The following RPH3A variants were observed in gnomAD, a reference collection of about 807,000 sequenced individuals.
RPH3A encodes rabphilin-3A.
Under a neutral mutation model 102.2 loss-of-function variants are expected in RPH3A, and 48 were observed. That is an observed-to-expected ratio of 0.47 (90% CI 0.37 to 0.60). RPH3A has a LOEUF of 0.60. Ranked by LOEUF, RPH3A falls within the 20% of genes least tolerant of loss-of-function variation. The pLI is 0.00. For synonymous variants in RPH3A, 310 were observed against 324.3 expected (o/e 0.96, Z 0.47); for missense variants, 781 against 910.1 (o/e 0.86, Z 1.83).
intron 1 of RPH3A, among the ~76,000 whole-genome samples, chr12:112,639,823 C>T (rs1292838071): frequency 2.0e-5 from 3 of 152,112 alleles, no homozygotes; most frequent in Non-Finnish European, 2.9e-5. Context: ...CAAAGTGTTC[C>T]GCATGACGTC....
intron 1 of RPH3A, among the ~76,000 whole-genome samples, chr12:112,698,593 G>A (rs548727309): frequency 9.3e-5 from 14 of 151,222 alleles, no homozygotes; most frequent in Admixed American, 3.3e-4. Flanking sequence ...TCTATACTTT[G>A]AAAGACACTG....
At chr12:112,575,566 GC>G (rs199634406) in intron 1 of RPH3A, among the ~76,000 whole-genome samples, 4,048 of 152,162 alleles carry the variant, frequency 0.027, 65 homozygotes, top group Non-Finnish European at 0.03. Context: ...GTCCGGCAAG[GC>G]CCCCCAAAGT....
At chr12:112,753,727 G>A (rs914034799) in intron 1 of RPH3A, among the ~76,000 whole-genome samples, 6 of 152,148 alleles carry the variant, frequency 3.9e-5, no homozygotes, top group African/African-American at 1.4e-4. Flanking sequence ...AAGGTCTGGG[G>A]GTTAGAAAGA....
chr12:112,597,591 CA>C (rs2039527201), intron 1 of RPH3A, among the ~76,000 whole-genome samples: 1 of 152,068 alleles, frequency 6.6e-6, no homozygotes, highest in Non-Finnish European at 1.5e-5. Context: ...TTCAAAAAAA[CA>C]AACAAAAATT....
chr12:112,759,234 G>A (rs906024695), intron 1 of RPH3A, among the ~76,000 whole-genome samples: 2 of 152,160 alleles, frequency 1.3e-5, no homozygotes, highest in Non-Finnish European at 2.9e-5. Context: ...GTGTTTGTGT[G>A]TGTGTGTGTA....
At chr12:112,786,358 A>G (rs984571672) in intron 1 of RPH3A, among the ~76,000 whole-genome samples, 2 of 152,168 alleles carry the variant, frequency 1.3e-5, no homozygotes, top group African/African-American at 4.8e-5. Context: ...GGGACCCAGC[A>G]ATCCTTTCTC....
intron 1 of RPH3A, among the ~76,000 whole-genome samples, chr12:112,606,959 T>C (rs1374189781): frequency 2.0e-5 from 3 of 152,158 alleles, no homozygotes; most frequent in Non-Finnish European, 4.4e-5. Flanking sequence ...CAACTTCACT[T>C]CTTTGGATCT....
At chr12:112,732,336 T>C (rs1160217848) in intron 1 of RPH3A, among the ~76,000 whole-genome samples, 1 of 152,220 alleles carries the variant, frequency 6.6e-6, no homozygotes, top group Non-Finnish European at 1.5e-5. Context: ...GGCTTTGAAG[T>C]CCAACACACT....
intron 1 of RPH3A, among the ~76,000 whole-genome samples, chr12:112,700,637 G>C (rs1256740301): frequency 6.6e-6 from 1 of 152,116 alleles, no homozygotes; most frequent in Non-Finnish European, 1.5e-5. Context: ...TTTTCCACAT[G>C]CTCTTTTGCC....
chr12:112,755,863 T>TGG (rs977943666), intron 1 of RPH3A, among the ~76,000 whole-genome samples: 1 of 152,204 alleles, frequency 6.6e-6, no homozygotes, highest in Non-Finnish European at 1.5e-5. Flanking sequence ...GCAGCATTAC[T>TGG]GGGGGAATGC....
intron 1 of RPH3A, among the ~76,000 whole-genome samples, chr12:112,590,049 C>T (rs140578615): frequency 0.013 from 1,981 of 150,444 alleles, 41 homozygotes; most frequent in African/African-American, 0.047. Flanking sequence ...TGCCACTGTA[C>T]TCCAGCCTGG....
intron 7 of RPH3A, 119 bp downstream of exon 7, chr12:112,866,959 C>A: frequency 1.4e-6 from 1 of 697,744 alleles, no homozygotes; most frequent in East Asian, 2.8e-5. Flanking sequence ...GACAGAACAA[C>A]CTCAGAGTAT....
At chr12:112,658,440 G>C (rs78448885) in intron 1 of RPH3A, among the ~76,000 whole-genome samples, 3 of 152,062 alleles carry the variant, frequency 2.0e-5, no homozygotes, top group Non-Finnish European at 2.9e-5. Context: ...GCCTCCCGAA[G>C]TGTTGGGATT....
chr12:112,847,512 T>C (rs1017302807), intron 4 of RPH3A, among the ~76,000 whole-genome samples, 184 bp from the exon 5 acceptor site: 6 of 152,202 alleles, frequency 3.9e-5, no homozygotes, highest in African/African-American at 1.4e-4. Flanking sequence ...ACTAAGCACA[T>C]AGCAAAATAA....
At chr12:112,581,306 C>T (rs1038448795) in intron 1 of RPH3A, among the ~76,000 whole-genome samples, 1 of 152,074 alleles carries the variant, frequency 6.6e-6, no homozygotes, top group Non-Finnish European at 1.5e-5. Flanking sequence ...CGAGGGAACT[C>T]CCCTTTATAA....
chr12:112,625,505 A>G, intron 1 of RPH3A, among the ~76,000 whole-genome samples: 1 of 102,634 alleles, frequency 9.7e-6, no homozygotes, highest in Non-Finnish European at 1.9e-5. Context: ...TACAAGGGAT[A>G]TGAAGGACCT....
intron 1 of RPH3A, among the ~76,000 whole-genome samples, chr12:112,733,666 G>A (rs543853642): frequency 1.9e-4 from 29 of 152,294 alleles, no homozygotes; most frequent in Non-Finnish European, 3.4e-4. Context: ...AGCAGATCCC[G>A]AAGGTTCTCC....
intron 1 of RPH3A, among the ~76,000 whole-genome samples, chr12:112,666,012 G>C (rs1592933175): frequency 6.6e-6 from 1 of 152,314 alleles, no homozygotes; most frequent in Middle Eastern, 3.4e-3. Flanking sequence ...GTGAATCTAA[G>C]TGAACTTAGG....
chr12:112,846,691 G>A (rs1307968346), intron 4 of RPH3A, among the ~76,000 whole-genome samples: 3 of 152,228 alleles, frequency 2.0e-5, no homozygotes, highest in Non-Finnish European at 4.4e-5. Context: ...ATAGGGACAA[G>A]AATTTCTAGT....
Sources: gnomAD v4.1 joint callset for allele counts (sites outside exome capture counted in the v4.1 genomes callset) on GRCh38, gnomAD v4.1.1 for gene constraint, MANE v1.5 for transcripts, NCBI Gene and HGNC (gene_info 2026-07-23, HGNC 2026-07-21) for gene names.